The following SRGAP3 variants were observed in gnomAD, a reference collection of about 807,000 sequenced individuals.
SRGAP3 encodes the protein SLIT-ROBO Rho GTPase-activating protein 3.
SRGAP3 carries 39 observed loss-of-function variants against 121.1 expected under a neutral mutation model. The observed-to-expected ratio is 0.32, with a 90% confidence interval of 0.25 to 0.42. The LOEUF (loss-of-function observed/expected upper bound fraction) is 0.42. Among genes scored for constraint, SRGAP3 ranks in the 10% least tolerant of loss-of-function variants. SRGAP3 has a pLI of 1.00. For missense variants in SRGAP3, 1,213 were observed against 1,470.6 expected, an observed-to-expected ratio of 0.82 and a Z score of 2.86; for synonymous variants, 601 against 570.0, an observed-to-expected ratio of 1.05 and a Z score of -0.77.
intron 1 of SRGAP3, among the ~76,000 whole-genome samples, chr3:9,210,294 G>T (rs1489486547): frequency 6.6e-6 from 1 of 152,208 alleles, no homozygotes; most frequent in Non-Finnish European, 1.5e-5. Flanking sequence ...GGTGAATTTT[G>T]TGGTACATAA....
At position 9,174,346 on chromosome 3, in the gene SRGAP3, CTA is replaced by C. The variant is rs371294329; in HGVS notation, c.68-49431_68-49430del. On this transcript the variant is annotated intron_variant, in intron 1 of 21. Coordinates refer to ENST00000383836, the MANE Select transcript of SRGAP3 (RefSeq NM_014850.4). ...AATGGTTAAGATGGTACATTTTCTG[CTA>C]TGTGTTTTTTATCACAATTAAAATA... Among the ~76,000 whole-genome samples the C allele has an allele frequency of 3.2e-4, 49 of 152,152 alleles. No homozygotes were observed. The South Asian group carries it at 9.4e-3, about 29-fold the overall frequency.
intron 11 of SRGAP3, chr3:9,036,329 A>G (rs1944742035): frequency 6.6e-6 from 1 of 152,198 alleles, no homozygotes; most frequent in Non-Finnish European, 1.5e-5. Flanking sequence ...AATTTCCACA[A>G]GTTAAATCAT....
intron 1 of SRGAP3, among the ~76,000 whole-genome samples, chr3:9,246,460 C>G (rs886270266): frequency 6.6e-6 from 1 of 152,222 alleles, no homozygotes; most frequent in African/African-American, 2.4e-5. Context: ...CCATCTGCTG[C>G]TGACATCAAT....
chr3:9,139,131 C>T (rs1174204502), intron 1 of SRGAP3, among the ~76,000 whole-genome samples: 1 of 152,158 alleles, frequency 6.6e-6, no homozygotes, highest in African/African-American at 2.4e-5. Context: ...TCCTTTCTGC[C>T]CTGTTGTTAC....
chr3:9,349,463 AGTG>A (rs1487581655), intron 1 of SRGAP3, among the ~76,000 whole-genome samples: 1 of 152,236 alleles, frequency 6.6e-6, no homozygotes, highest in African/African-American at 2.4e-5. Context: ...GTTTAAAGGT[AGTG>A]ACCTGGGTTT....
At chr3:9,010,425 G>T (rs952336946) in intron 17 of SRGAP3, 38 bp from the exon 18 acceptor site, 1 of 1,611,842 alleles carries the variant, frequency 6.2e-7, no homozygotes, top group African/African-American at 1.3e-5. Flanking sequence ...ACTGCGGGGG[G>T]TTATCTACCC....
intron 1 of SRGAP3, among the ~76,000 whole-genome samples, chr3:9,206,210 T>G (rs995348979): frequency 6.6e-6 from 1 of 152,210 alleles, no homozygotes; most frequent in Admixed American, 6.5e-5. Flanking sequence ...AAATGCAGGC[T>G]CTGTGCTAAC....
At chr3:9,181,086 T>G (rs1951381936) in intron 1 of SRGAP3, among the ~76,000 whole-genome samples, 1 of 152,214 alleles carries the variant, frequency 6.6e-6, no homozygotes, top group Non-Finnish European at 1.5e-5. Flanking sequence ...CAAAATCACT[T>G]CTTTAAATTT....
Position 8,980,591 on chromosome 3 carries a change from T to C in SRGAP3, c.*4928A>G, listed in dbSNP as rs1941365021. 2 of 220,456 alleles carry C rather than the reference T, an allele frequency of 9.1e-6. No homozygotes were observed. The highest frequency in any genetic ancestry group is 3.7e-4 in the South Asian group (2 of 5,446). 13.7% of individuals were successfully genotyped at this position (220,456 alleles called of 1,614,324 possible). A position where few individuals can be genotyped will look rare whatever the true frequency, so the allele number is the denominator to read the frequency against. On this transcript the variant is annotated 3_prime_UTR_variant, in exon 22 of 22. Transcript: ENST00000383836. The stretch of plus-strand genomic sequence containing the variant: ...CCCTTTCAAAAACCACTGGAGCATG[T>C]TTGAGAAAAGTTAAGCTGTTTTATT...
At chr3:9,173,233 G>C (rs958198771) in intron 1 of SRGAP3, among the ~76,000 whole-genome samples, 1 of 152,206 alleles carries the variant, frequency 6.6e-6, no homozygotes, top group South Asian at 2.1e-4. Flanking sequence ...ACAGATGTTT[G>C]CAAGTGCTTT....
At chr3:9,156,398 A>C (rs1950417205) in intron 1 of SRGAP3, among the ~76,000 whole-genome samples, 1 of 152,090 alleles carries the variant, frequency 6.6e-6, no homozygotes, top group South Asian at 2.1e-4. Context: ...GCAGAACCAG[A>C]CCCTGTGGCA....
At chr3:9,053,292 T>G in intron 8 of SRGAP3, 68 bp from the exon 9 acceptor site, 1 of 1,481,218 alleles carries the variant, frequency 6.8e-7, no homozygotes, top group Non-Finnish European at 9.3e-7. Flanking sequence ...TAAAGTCCCT[T>G]TCCCAGCTGT....
chr3:9,173,756 C>T (rs1217225469), intron 1 of SRGAP3, among the ~76,000 whole-genome samples: 1 of 152,008 alleles, frequency 6.6e-6, no homozygotes, highest in East Asian at 1.9e-4. Flanking sequence ...CCCAGCCACC[C>T]ACCTCCACCC....
intron 1 of SRGAP3, among the ~76,000 whole-genome samples, chr3:9,340,879 CT>C (rs1955775965): frequency 6.6e-6 from 1 of 152,190 alleles, no homozygotes; most frequent in African/African-American, 2.4e-5. Context: ...ATGAAGGAGT[CT>C]GGCATCCTGG....
chr3:9,159,021 C>T (rs1178420979), intron 1 of SRGAP3, among the ~76,000 whole-genome samples: 1 of 152,196 alleles, frequency 6.6e-6, no homozygotes, highest in Non-Finnish European at 1.5e-5. Flanking sequence ...TGGAGCTCCT[C>T]TGATACCAGT....
chr3:9,042,307 G>A (rs1166353711), intron 10 of SRGAP3, among the ~76,000 whole-genome samples: 1 of 152,066 alleles, frequency 6.6e-6, no homozygotes, highest in East Asian at 1.9e-4. Flanking sequence ...GACTAGCCAT[G>A]TTTCAAGTGT....
At chr3:9,222,594 G>C (rs1952850744) in intron 1 of SRGAP3, among the ~76,000 whole-genome samples, 1 of 152,206 alleles carries the variant, frequency 6.6e-6, no homozygotes, top group African/African-American at 2.4e-5. Context: ...TATCACCACA[G>C]ATCTCAATTC....
At chr3:9,317,491 A>G (rs559743596) in intron 3 of SRGAP3, among the ~76,000 whole-genome samples, 1 of 152,372 alleles carries the variant, frequency 6.6e-6, no homozygotes, top group Admixed American at 6.5e-5. Context: ...TAGCTATGCC[A>G]AAAGCTCTGG....
chr3:8,986,447 C>T (rs960245267), intron 21 of SRGAP3, among the ~76,000 whole-genome samples: 2 of 152,184 alleles, frequency 1.3e-5, no homozygotes, highest in African/African-American at 4.8e-5. Context: ...CCAATCCAAA[C>T]CCTGCCCCCT....
Sources: gnomAD v4.1 joint callset for allele counts (sites outside exome capture counted in the v4.1 genomes callset) on GRCh38, gnomAD v4.1.1 for gene constraint, MANE v1.5 for transcripts, NCBI Gene and HGNC (gene_info 2026-07-23, HGNC 2026-07-21) for gene names.